STARD13: variants seen among roughly 807,000 people sequenced by gnomAD.
STARD13 encodes the protein stAR-related lipid transfer protein 13.
STARD13 carries 62 observed loss-of-function variants against 106.4 expected under a neutral mutation model. That is an observed-to-expected ratio of 0.58 (90% CI 0.48 to 0.72). The LOEUF (loss-of-function observed/expected upper bound fraction) is 0.72, where lower values mean the gene tolerates loss of function less well. Among genes scored for constraint, STARD13 ranks in the 30% least tolerant of loss-of-function variants. The pLI is 0.00. For synonymous variants in STARD13, 565 were observed against 553.0 expected (o/e 1.02, Z -0.31); for missense variants, 1,387 against 1,424.0 (o/e 0.97, Z 0.42).
At chr13:33,539,065 G>A in the STARD13 span, among the ~76,000 whole-genome samples, 2 of 152,068 alleles carry the variant, frequency 1.3e-5, no homozygotes, top group African/African-American at 2.4e-5. Flanking sequence ...CACTGCGCCC[G>A]GCCTTGCATT....
intron 1 of STARD13, among the ~76,000 whole-genome samples, chr13:33,221,427 A>G (rs1888348584): frequency 6.6e-6 from 1 of 152,190 alleles, no homozygotes; most frequent in Non-Finnish European, 1.5e-5. Flanking sequence ...AGGCAGACTA[A>G]CATCATCATA....
At chr13:33,443,227 A>T in the STARD13 span, among the ~76,000 whole-genome samples, 1 of 152,034 alleles carries the variant, frequency 6.6e-6, no homozygotes, top group Non-Finnish European at 1.5e-5. Context: ...AATACAAAAA[A>T]TTAGCCAGGC....
At chr13:33,564,069 T>C in the STARD13 span, among the ~76,000 whole-genome samples, 4 of 145,622 alleles carry the variant, frequency 2.7e-5, no homozygotes, top group Non-Finnish European at 6.0e-5. Flanking sequence ...TGTGCACCTG[T>C]AATCCCAGCT....
chr13:33,466,998 G>A, the STARD13 span, among the ~76,000 whole-genome samples: 5,220 of 152,058 alleles, frequency 0.034, 283 homozygotes, highest in African/African-American at 0.12. Context: ...TATAACTTGT[G>A]TGTGGAAGGC....
At chr13:33,247,821 A>G (rs1194075269) in intron 1 of STARD13, among the ~76,000 whole-genome samples, 5 of 152,170 alleles carry the variant, frequency 3.3e-5, no homozygotes, top group Admixed American at 3.3e-4. Flanking sequence ...CTTACAAAAT[A>G]GTGGGTGCTG....
chr13:33,180,741 T>G (rs2858123), intron 1 of STARD13, among the ~76,000 whole-genome samples: 58,285 of 151,974 alleles, frequency 0.38, 11,289 homozygotes, highest in East Asian at 0.5. Context: ...CAAATACCTT[T>G]CAAATACTTA....
chr13:33,428,874 A>G, the STARD13 span, among the ~76,000 whole-genome samples: 1 of 152,230 alleles, frequency 6.6e-6, no homozygotes, highest in Non-Finnish European at 1.5e-5. Context: ...ATTTGAATAG[A>G]CATTTCTCAA....
At chr13:33,389,123 T>A in the STARD13 span, among the ~76,000 whole-genome samples, 151 of 151,396 alleles carry the variant, frequency 1.0e-3, 1 homozygote, top group African/African-American at 3.2e-3. Flanking sequence ...GTCTGGCTAA[T>A]TTTTTTGTAT....
At chr13:33,632,676 C>A in the STARD13 span, among the ~76,000 whole-genome samples, 5 of 152,084 alleles carry the variant, frequency 3.3e-5, no homozygotes, top group Admixed American at 1.3e-4. Flanking sequence ...TATTTTCTAG[C>A]CTTCTGATTT....
At chr13:33,282,493 C>T (rs952911472) in intron 1 of STARD13, among the ~76,000 whole-genome samples, 3 of 152,138 alleles carry the variant, frequency 2.0e-5, no homozygotes, top group Non-Finnish European at 2.9e-5. Context: ...CAATGATTAT[C>T]TCACTATAAT....
chr13:33,553,641 G>A, the STARD13 span, among the ~76,000 whole-genome samples: 4 of 149,616 alleles, frequency 2.7e-5, no homozygotes, highest in African/African-American at 4.9e-5. Context: ...GTGTAGTGGC[G>A]CTATCTTGGC....
At chr13:33,656,556 T>C in the STARD13 span, among the ~76,000 whole-genome samples, 2 of 152,232 alleles carry the variant, frequency 1.3e-5, no homozygotes, top group African/African-American at 4.8e-5. Flanking sequence ...ATTGGTCATG[T>C]AGACATTAAT....
the STARD13 span, among the ~76,000 whole-genome samples, chr13:33,630,313 C>T: frequency 1.3e-5 from 2 of 152,138 alleles, no homozygotes; most frequent in African/African-American, 4.8e-5. Context: ...ACTCCTTTCC[C>T]TCTGCCTATT....
chr13:33,645,350 G>A, the STARD13 span, among the ~76,000 whole-genome samples: 2 of 152,298 alleles, frequency 1.3e-5, no homozygotes, highest in Admixed American at 6.5e-5. Flanking sequence ...GGCCATCTTA[G>A]ACAATTCACA....
chr13:33,477,049 T>C, the STARD13 span, among the ~76,000 whole-genome samples: 1 of 152,222 alleles, frequency 6.6e-6, no homozygotes, highest in Non-Finnish European at 1.5e-5. Context: ...ATAAAATTAG[T>C]TCAGGTATTC....
chr13:33,632,165 A>G, the STARD13 span, among the ~76,000 whole-genome samples: 3 of 152,224 alleles, frequency 2.0e-5, no homozygotes, highest in Non-Finnish European at 1.5e-5. Flanking sequence ...CAATTTACTT[A>G]AAGCCAAAGA....
At chr13:33,197,479 A>T (rs942247855) in intron 1 of STARD13, among the ~76,000 whole-genome samples, 1 of 151,864 alleles carries the variant, frequency 6.6e-6, no homozygotes, top group East Asian at 1.9e-4. Context: ...TCAGCCCAAT[A>T]AAACTTGTTT....
the STARD13 span, among the ~76,000 whole-genome samples, chr13:33,374,088 T>C: frequency 6.6e-6 from 1 of 152,146 alleles, no homozygotes; most frequent in African/African-American, 2.4e-5. Context: ...ATACCTACAG[T>C]AAAATATTAT....
the STARD13 span, among the ~76,000 whole-genome samples, chr13:33,599,682 GA>G: frequency 6.6e-6 from 1 of 152,168 alleles, no homozygotes; most frequent in Non-Finnish European, 1.5e-5. Context: ...AGTTTACAGT[GA>G]CTACTGAACT....
Sources: gnomAD v4.1 joint callset for allele counts (sites outside exome capture counted in the v4.1 genomes callset) on GRCh38, gnomAD v4.1.1 for gene constraint, MANE v1.5 for transcripts, NCBI Gene and HGNC (gene_info 2026-07-23, HGNC 2026-07-21) for gene names.